The following KDM6A variants were observed in gnomAD, a reference collection of about 807,000 sequenced individuals.
KDM6A encodes the protein lysine-specific demethylase 6A.
In KDM6A, 11 loss-of-function variants were observed where a neutral mutation model predicts 117.6. That is an observed-to-expected ratio of 0.09 (90% CI 0.06 to 0.15). The LOEUF is 0.15. Among genes scored for constraint, KDM6A ranks in the 10% least tolerant of loss-of-function variants. KDM6A has a pLI of 1.00. For synonymous variants in KDM6A, 384 were observed against 396.1 expected, an observed-to-expected ratio of 0.97 and a Z score of 0.36; for missense variants, 799 against 1,077.3, an observed-to-expected ratio of 0.74 and a Z score of 3.62.
chrX:45,040,420 A>G (rs1375648736), intron 8 of KDM6A, among the ~76,000 whole-genome samples: 101 of 48,793 alleles, frequency 2.1e-3, no homozygotes, highest in African/African-American at 3.1e-3. Flanking sequence ...CCTCCCTCCC[A>G]GACGGGGCGG....
rs764602605 is a variant in KDM6A, at chrX:44,873,644, C to T, written c.93C>T (p.Ser31=). The change falls in exon 1 of 30, where the codon AGC becomes AGT. Residue 31 remains serine (S), a synonymous_variant. Transcript: ENST00000611820. ...EEKKMAAGKA[S]GESEEASPSL... ...AGAAAATGGCGGCGGGAAAAGCGAG[C>T]GGCGAGAGCGAGGAGGCGTCCCCCA... The T allele has an allele frequency of 2.5e-6, 3 of 1,192,924 alleles. No individual in the cohort carries two copies. The highest frequency in any genetic ancestry group is 3.4e-6 in the Non-Finnish European group (3 of 886,647).
At chrX:44,890,427 G>T (rs970132667) in intron 2 of KDM6A, among the ~76,000 whole-genome samples, 1 of 111,287 alleles carries the variant, frequency 9.0e-6, no homozygotes, top group Admixed American at 9.6e-5. Context: ...ACAATTGCTG[G>T]TAGTTGCATA....
chrX:45,098,598 T>A (rs745388673), intron 27 of KDM6A, among the ~76,000 whole-genome samples: 57 of 112,559 alleles, frequency 5.1e-4, no homozygotes, highest in Non-Finnish European at 8.6e-4. Context: ...CCTACAAGAT[T>A]TAAGTTGAAA....
intron 8 of KDM6A, among the ~76,000 whole-genome samples, chrX:45,047,496 C>G (rs2147886939): frequency 9.6e-6 from 1 of 104,550 alleles, no homozygotes; most frequent in African/African-American, 3.4e-5. Flanking sequence ...AATATACTTT[C>G]CAATCTGCTA....
chrX:45,079,059 A>T, intron 20 of KDM6A, 87 bp from the exon 21 acceptor site: 1 of 804,630 alleles, frequency 1.2e-6, no homozygotes, highest in Non-Finnish European at 1.8e-6. Flanking sequence ...AAAATGCTTT[A>T]CCTTCTTCCT....
intron 4 of KDM6A, among the ~76,000 whole-genome samples, chrX:44,994,711 C>T (rs1203212067): frequency 8.9e-6 from 1 of 111,746 alleles, no homozygotes; most frequent in African/African-American, 3.3e-5. Context: ...GGTGAGCGCA[C>T]ACTTGGGCAA....
intron 2 of KDM6A, among the ~76,000 whole-genome samples, chrX:44,906,628 A>G (rs2034677605): frequency 9.1e-6 from 1 of 110,127 alleles, no homozygotes; most frequent in East Asian, 2.8e-4. Context: ...TTGTGTGTGT[A>G]TATATATATG....
chrX:44,942,113 C>A (rs1467644480), intron 2 of KDM6A, among the ~76,000 whole-genome samples: 1 of 109,087 alleles, frequency 9.2e-6, no homozygotes, highest in Admixed American at 9.8e-5. Flanking sequence ...CGGCTCACTG[C>A]AACCTCTGCC....
rs777004866 is a variant in KDM6A at position 44,895,661 on chromosome X, C to CT, written c.225+21677dup. Among the ~76,000 whole-genome samples the CT allele has an allele frequency of 8.2e-5, 9 of 109,197 alleles. No individual in the cohort carries two copies. The Admixed American group carries it at 9.0e-4, about 11-fold the overall frequency. The allele number at this position is 109,197 out of a possible 115,157, so 94.8% of individuals were successfully genotyped here. On this transcript the variant is annotated intron_variant, in intron 2 of 29. Coordinates refer to ENST00000611820, the MANE Select transcript of KDM6A (RefSeq NM_001291415.2). Reference sequence around the variant, plus strand: ...GCTATAAATTTACATTTCAGCACTACTTTAGCTGTGTCTCACATACTTTTG... The same window carrying CT: ...GCTATAAATTTACATTTCAGCACTACTTTTAGCTGTGTCTCACATACTTTTG...
intron 2 of KDM6A, among the ~76,000 whole-genome samples, chrX:44,950,389 C>T (rs1305460527): frequency 9.0e-6 from 1 of 111,618 alleles, no homozygotes; most frequent in East Asian, 2.8e-4. Flanking sequence ...CTGTCCTTGG[C>T]CCCAAAATAC....
At chrX:45,073,958 G>C (rs1229879885) in intron 18 of KDM6A, among the ~76,000 whole-genome samples, 1 of 111,960 alleles carries the variant, frequency 8.9e-6, no homozygotes, top group Non-Finnish European at 1.9e-5. Context: ...CCATGCCTAT[G>C]TCGTGAATGG....
At chrX:45,084,586 C>T (rs1304242601) in intron 24 of KDM6A, among the ~76,000 whole-genome samples, 4 of 111,349 alleles carry the variant, frequency 3.6e-5, no homozygotes, top group Non-Finnish European at 7.5e-5. Context: ...TCAGTGGTTC[C>T]CCATCCTGGC....
chrX:44,916,328 G>A (rs1602178370), intron 2 of KDM6A, among the ~76,000 whole-genome samples: 1 of 110,530 alleles, frequency 9.0e-6, no homozygotes, highest in African/African-American at 3.3e-5. Flanking sequence ...CTGTGGGGAG[G>A]AATACTTGTG....
At chrX:44,924,818 A>T (rs757419863) in intron 2 of KDM6A, among the ~76,000 whole-genome samples, 1 of 110,733 alleles carries the variant, frequency 9.0e-6, no homozygotes, top group Non-Finnish European at 1.9e-5. Flanking sequence ...CCTCCCAAAT[A>T]GCTGGGACCA....
chrX:45,024,828 G>A (rs1463359084), intron 6 of KDM6A, among the ~76,000 whole-genome samples: 1 of 110,951 alleles, frequency 9.0e-6, no homozygotes, highest in African/African-American at 3.3e-5. Context: ...AACCATAATT[G>A]GGGGCCAGCA....
At chrX:45,087,468 A>G (rs5952287) in intron 25 of KDM6A, among the ~76,000 whole-genome samples, 8,196 of 112,412 alleles carry the variant, frequency 0.073, 659 homozygotes, top group African/African-American at 0.24. Flanking sequence ...GGTTTCCTTC[A>G]ATGTAAGAAA....
At chrX:44,939,445 G>A (rs1406683959) in intron 2 of KDM6A, among the ~76,000 whole-genome samples, 1 of 112,142 alleles carries the variant, frequency 8.9e-6, no homozygotes, top group East Asian at 2.8e-4. Flanking sequence ...CTGCTATCTC[G>A]TGATAAAACT....
rs375310808 is a variant in KDM6A, at chrX:45,031,684, C to T, written c.565-3247C>T. On this transcript the variant is annotated intron_variant, in intron 6 of 29. Coordinates refer to ENST00000611820, the MANE Select transcript of KDM6A (RefSeq NM_001291415.2). ...AAAAAGTTATCCCATTGCTTGTTTT[C>T]GGGATTGGGAATATAGTTGAAGGGT... Among the ~76,000 whole-genome samples the T allele has an allele frequency of 9.5e-4, 106 of 111,260 alleles. 1 individual carries two copies. Among genetic ancestry groups the T allele is most frequent in the Non-Finnish European group, 1.6e-3 (86 of 53,041 alleles).
At position 44,915,827 on chromosome X, in the gene KDM6A, C is replaced by T. The variant is rs752732445; in HGVS notation, c.225+41840C>T. On this transcript the variant is annotated intron_variant, in intron 2 of 29. Transcript: ENST00000611820. ...ACCCTTATTTGACTTGATAATGACCCCAAAACACAAGAGAAGTGATGCTGT... is the reference window on the plus strand; with the variant it reads ...ACCCTTATTTGACTTGATAATGACCTCAAAACACAAGAGAAGTGATGCTGT... 3.6e-5 allele frequency among the ~76,000 whole-genome samples: 4 copies of T among 110,916 alleles called. No individual in the cohort carries two copies. In the South Asian group the frequency reaches 1.5e-3, roughly 42 times the overall value.
Sources: gnomAD v4.1 joint callset for allele counts (sites outside exome capture counted in the v4.1 genomes callset) on GRCh38, gnomAD v4.1.1 for gene constraint, MANE v1.5 for transcripts, NCBI Gene and HGNC (gene_info 2026-07-23, HGNC 2026-07-21) for gene names.